CDKAL1: variants seen among roughly 807,000 people sequenced by gnomAD.
CDKAL1 encodes the protein threonylcarbamoyladenosine tRNA methylthiotransferase.
CDKAL1 carries 32 observed loss-of-function variants against 68.2 expected under a neutral mutation model. That is an observed-to-expected ratio of 0.47 (90% confidence interval 0.35 to 0.63). The LOEUF (loss-of-function observed/expected upper bound fraction) is 0.63. CDKAL1 is among the 30% of genes least tolerant of loss of function. CDKAL1 has a pLI of 0.00. For synonymous variants in CDKAL1, 234 were observed against 244.3 expected, an observed-to-expected ratio of 0.96 and a Z score of 0.39; for missense variants, 606 against 696.7, an observed-to-expected ratio of 0.87 and a Z score of 1.47.
At chr6:21,111,752 G>A (rs888849840) in intron 13 of CDKAL1, among the ~76,000 whole-genome samples, 3 of 152,100 alleles carry the variant, frequency 2.0e-5, no homozygotes, top group Non-Finnish European at 4.4e-5. Flanking sequence ...TTTCATTTTT[G>A]TTTGTTGCCT....
At chr6:20,589,287 T>C (rs1446667094) in intron 4 of CDKAL1, among the ~76,000 whole-genome samples, 1 of 152,204 alleles carries the variant, frequency 6.6e-6, no homozygotes, top group Non-Finnish European at 1.5e-5. Flanking sequence ...TTGTTTTTAC[T>C]TCAGTGTTAG....
chr6:20,758,641 A>G lies in CDKAL1; in HGVS notation c.515A>G (p.Lys172Arg). The change falls in exon 7 of 16, where the codon AAA (lysine) becomes AGA (arginine). Residue 172 changes from lysine to arginine, a missense_variant and splice_region_variant. Physicochemically the swap from Lys to Arg is conservative, Grantham distance 26 (BLOSUM62 2). Coordinates refer to ENST00000274695, the MANE Select transcript of CDKAL1 (RefSeq NM_017774.3). ...RVVEVVEETI[K>R]GHSVRLLGQK... ...GTAGAAGTTGTGGAGGAGACAATTA[A>G]AGGTAATCGTTGAAAGTGAGATAAA... 1 of 1,609,504 alleles carries G rather than the reference A, an allele frequency of 6.2e-7. No homozygotes were observed. The highest frequency in any genetic ancestry group is 8.5e-7 in the Non-Finnish European group (1 of 1,177,594).
intron 9 of CDKAL1, among the ~76,000 whole-genome samples, chr6:20,885,115 C>G (rs1222475753): frequency 1.3e-5 from 2 of 152,200 alleles, no homozygotes; most frequent in Admixed American, 6.5e-5. Flanking sequence ...AGATTCGGCA[C>G]AATCCCTAGC....
intron 9 of CDKAL1, among the ~76,000 whole-genome samples, chr6:20,944,402 C>A (rs1169463817): frequency 1.3e-5 from 2 of 152,224 alleles, no homozygotes; most frequent in Non-Finnish European, 2.9e-5. Context: ...AGCTGGAGGG[C>A]AGTGGCGTGA....
At chr6:21,184,814 G>A (rs1210870142) in intron 13 of CDKAL1, among the ~76,000 whole-genome samples, 2 of 144,190 alleles carry the variant, frequency 1.4e-5, no homozygotes, top group African/African-American at 2.6e-5. Context: ...GCACTACCAC[G>A]TGCAGCTAAT....
At chr6:20,958,325 T>G (rs2150732362) in intron 10 of CDKAL1, among the ~76,000 whole-genome samples, 1 of 152,314 alleles carries the variant, frequency 6.6e-6, no homozygotes, top group Non-Finnish European at 1.5e-5. Flanking sequence ...CCTTGCTGTT[T>G]CTTCTCATCC....
At chr6:20,820,948 G>T (rs943255823) in intron 8 of CDKAL1, among the ~76,000 whole-genome samples, 3 of 151,970 alleles carry the variant, frequency 2.0e-5, no homozygotes, top group Non-Finnish European at 4.4e-5. Context: ...AGCTGTTTTG[G>T]ACAGAGAACT....
chr6:20,897,718 T>G lies in CDKAL1; in HGVS notation c.742+51540T>G, dbSNP rs1324779474. 2.6e-5 allele frequency among the ~76,000 whole-genome samples: 4 copies of G among 152,282 alleles called. 1 individual carries two copies. Among genetic ancestry groups the G allele is most frequent in the Admixed American group, 2.6e-4 (4 of 15,300 alleles). ...AAGACTGAATTGAGATAAAATAAAG[T>G]GATTATTATCTCTCAGTGGTGGGAT... On this transcript the variant is annotated intron_variant, in intron 9 of 15. Transcript: ENST00000274695.
chr6:20,891,456 T>TG (rs1406923978), intron 9 of CDKAL1, among the ~76,000 whole-genome samples: 1 of 152,074 alleles, frequency 6.6e-6, no homozygotes, highest in Non-Finnish European at 1.5e-5. Context: ...AGACGCCGGG[T>TG]GGCCTGTCAG....
In CDKAL1 at chr6:20,894,649, A is replaced by G. The variant is rs183235273; in HGVS notation, c.742+48471A>G. ...TACAGGTTTAACAACTGCCCCCATT[A>G]TAGAGATAATGGTTAATTTCTCCTC... On this transcript the variant is annotated intron_variant, in intron 9 of 15. Transcript: ENST00000274695. 1.5e-3 allele frequency among the ~76,000 whole-genome samples: 227 copies of G among 152,250 alleles called. 1 individual carries two copies. The highest frequency in any genetic ancestry group is 5.2e-3 in the African/African-American group (218 of 41,544).
At chr6:20,648,414 CA>C (rs1178150988) in intron 4 of CDKAL1, among the ~76,000 whole-genome samples, 1 of 152,058 alleles carries the variant, frequency 6.6e-6, no homozygotes, top group African/African-American at 2.4e-5. Context: ...GGGAGTGAGC[CA>C]CTGCGCCCGG....
intron 15 of CDKAL1, among the ~76,000 whole-genome samples, chr6:21,230,574 A>G (rs1322848366): frequency 6.6e-6 from 1 of 152,136 alleles, no homozygotes; most frequent in African/African-American, 2.4e-5. Context: ...CCCTTCATGA[A>G]TTCTGCCTTG....
intron 11 of CDKAL1, among the ~76,000 whole-genome samples, chr6:21,031,959 C>T (rs1409255773): frequency 6.6e-6 from 1 of 152,120 alleles, no homozygotes; most frequent in Non-Finnish European, 1.5e-5. Flanking sequence ...TAGTACCTCA[C>T]TTTCATTCAA....
chr6:20,651,395 C>T (rs543790078), intron 5 of CDKAL1, among the ~76,000 whole-genome samples: 1 of 152,242 alleles, frequency 6.6e-6, no homozygotes, highest in African/African-American at 2.4e-5. Flanking sequence ...GATTTTTGCA[C>T]ATTGATTTTA....
At chr6:20,955,340 C>A in intron 9 of CDKAL1, 79 bp from the exon 10 acceptor site, 2 of 1,377,498 alleles carry the variant, frequency 1.5e-6, no homozygotes, top group South Asian at 1.2e-5. Context: ...AGAAATACTG[C>A]ATTAAAAACA....
At chr6:21,145,204 G>A (rs890589281) in intron 13 of CDKAL1, among the ~76,000 whole-genome samples, 3 of 152,152 alleles carry the variant, frequency 2.0e-5, no homozygotes, top group African/African-American at 7.2e-5. Flanking sequence ...TTGAAAGTGT[G>A]CAGATTTTCA....
At chr6:20,609,260 C>CTTCCTCCTTCCTT (rs1554162603) in intron 4 of CDKAL1, among the ~76,000 whole-genome samples, 81 of 120,478 alleles carry the variant, frequency 6.7e-4, no homozygotes, top group Middle Eastern at 4.2e-3. Context: ...CTTCCTCCTT[C>CTTCCTCCTTCCTT]CTTCCTCCTC....
At chr6:21,143,308 G>C (rs1052771015) in intron 13 of CDKAL1, among the ~76,000 whole-genome samples, 1 of 152,094 alleles carries the variant, frequency 6.6e-6, no homozygotes, top group South Asian at 2.1e-4. Context: ...TTCTCTCAAC[G>C]TTTCTCTAGT....
At chr6:21,075,089 GA>G (rs1487896051) in intron 12 of CDKAL1, among the ~76,000 whole-genome samples, 1 of 147,766 alleles carries the variant, frequency 6.8e-6, no homozygotes, top group South Asian at 2.1e-4. Context: ...AATGAAAGTA[GA>G]TGCTAACCCA....
Sources: allele counts gnomAD v4.1 joint callset (sites outside exome capture counted in the v4.1 genomes callset), GRCh38; gene constraint gnomAD v4.1.1; transcripts MANE v1.5; gene names NCBI Gene and HGNC (gene_info 2026-07-23, HGNC 2026-07-21).